UNC5D: variants seen among roughly 807,000 people sequenced by gnomAD.
UNC5D encodes netrin receptor UNC5D.
Under a neutral mutation model 105.4 loss-of-function variants are expected in UNC5D, and 39 were observed. The ratio of observed to expected loss-of-function variants is 0.37; its 90% CI spans 0.29 to 0.48. The LOEUF is 0.48. UNC5D is among the 20% of genes least tolerant of loss of function. UNC5D has a pLI of 0.98. For synonymous variants in UNC5D, 452 were observed against 450.4 expected (o/e 1.00, Z -0.04); for missense variants, 991 against 1,202.4 (o/e 0.82, Z 2.60).
chr8:35,736,757 C>CAGAGGTAT (rs1285747971), intron 11 of UNC5D, among the ~76,000 whole-genome samples: 1 of 152,082 alleles, frequency 6.6e-6, no homozygotes, highest in Non-Finnish European at 1.5e-5. Context: ...TTCAAAGGCA[C>CAGAGGTAT]AGAGGTATAA....
chr8:35,238,032 C>T (rs774112305), intron 1 of UNC5D, among the ~76,000 whole-genome samples: 3 of 152,170 alleles, frequency 2.0e-5, no homozygotes, highest in Non-Finnish European at 4.4e-5. Context: ...CTAGGATTAG[C>T]CCTAGGTTGT....
intron 3 of UNC5D, among the ~76,000 whole-genome samples, chr8:35,587,658 C>T (rs1818875356): frequency 6.6e-6 from 1 of 152,022 alleles, no homozygotes; most frequent in African/African-American, 2.4e-5. Context: ...ATATGATCTT[C>T]CTTGCTTCCT....
rs570456695 is a variant in UNC5D, at chr8:35,460,435, C to T, written c.104-88857C>T. 1.8e-4 allele frequency among the ~76,000 whole-genome samples: 27 copies of T among 152,262 alleles called. 1 individual carries two copies. In the East Asian group the frequency reaches 4.1e-3, roughly 23 times the overall value. On this transcript the variant is annotated intron_variant, in intron 1 of 16. Coordinates refer to ENST00000404895, the MANE Select transcript of UNC5D (RefSeq NM_080872.4). Reference sequence around the variant, plus strand: ...GATGCTGCAACATAAAATGTAAAGCCTGAACTTGTTAACTGGAAATTACAC... The same window carrying T: ...GATGCTGCAACATAAAATGTAAAGCTTGAACTTGTTAACTGGAAATTACAC...
At chr8:35,451,312 G>A (rs113792591) in intron 1 of UNC5D, among the ~76,000 whole-genome samples, 7,140 of 152,198 alleles carry the variant, frequency 0.047, 187 homozygotes, top group African/African-American at 0.065. Context: ...CAAAGTGCTG[G>A]AATTACAGGC....
chr8:35,319,242 A>G (rs185024957), intron 1 of UNC5D, among the ~76,000 whole-genome samples: 16 of 152,266 alleles, frequency 1.1e-4, no homozygotes, highest in Admixed American at 9.8e-4. Context: ...TCTCATTTAC[A>G]GAAGCCTGAG....
chr8:35,331,657 GTTTC>G (rs1810641918), intron 1 of UNC5D, among the ~76,000 whole-genome samples: 1 of 152,114 alleles, frequency 6.6e-6, no homozygotes, highest in African/African-American at 2.4e-5. Context: ...TCTTTTTAAT[GTTTC>G]TTTTTCATCA....
At chr8:35,484,459 C>T (rs1810701274) in intron 1 of UNC5D, among the ~76,000 whole-genome samples, 1 of 152,114 alleles carries the variant, frequency 6.6e-6, no homozygotes, top group African/African-American at 2.4e-5. Flanking sequence ...CATGCCTAAC[C>T]AGTCTCCTCG....
chr8:35,299,581 C>A (rs1272568833), intron 1 of UNC5D, among the ~76,000 whole-genome samples: 1 of 152,124 alleles, frequency 6.6e-6, no homozygotes, highest in Non-Finnish European at 1.5e-5. Context: ...AGTGGAGATG[C>A]AAACTGACAC....
chr8:35,528,141 A>C (rs868156272), intron 1 of UNC5D, among the ~76,000 whole-genome samples: 3,745 of 146,404 alleles, frequency 0.026, 171 homozygotes, highest in African/African-American at 0.092. Context: ...GGTGTGCTGC[A>C]CCCACTAACT....
chr8:35,456,685 G>A (rs919177573), intron 1 of UNC5D, among the ~76,000 whole-genome samples: 12 of 152,180 alleles, frequency 7.9e-5, no homozygotes, highest in African/African-American at 2.4e-4. Flanking sequence ...TGGACAATTG[G>A]AGAAGTTATT....
intron 3 of UNC5D, among the ~76,000 whole-genome samples, chr8:35,569,064 A>C (rs2130788943): frequency 6.6e-6 from 1 of 152,298 alleles, no homozygotes; most frequent in Admixed American, 6.5e-5. Flanking sequence ...AAAAAAAAAA[A>C]AAAAATACAC....
chr8:35,376,013 T>A (rs1443831642), intron 1 of UNC5D, among the ~76,000 whole-genome samples: 2 of 152,190 alleles, frequency 1.3e-5, no homozygotes, highest in Non-Finnish European at 2.9e-5. Flanking sequence ...GCAATCTGTA[T>A]CTTATGGTGC....
intron 1 of UNC5D, among the ~76,000 whole-genome samples, chr8:35,283,964 T>C (rs1465673323): frequency 2.0e-5 from 3 of 152,206 alleles, no homozygotes; most frequent in Admixed American, 1.3e-4. Context: ...ACCTACAGTC[T>C]TCAAAATAAA....
intron 8 of UNC5D, among the ~76,000 whole-genome samples, chr8:35,715,732 G>C: frequency 6.6e-6 from 1 of 151,988 alleles, no homozygotes; most frequent in Non-Finnish European, 1.5e-5. Flanking sequence ...ATTTGAAGAT[G>C]CAAGACCAAA....
chr8:35,538,718 C>T (rs954856021), intron 1 of UNC5D, among the ~76,000 whole-genome samples: 2 of 151,640 alleles, frequency 1.3e-5, no homozygotes, highest in Non-Finnish European at 2.9e-5. Flanking sequence ...GTGATGAATT[C>T]GATATAGGGG....
At chr8:35,601,257 G>C (rs1197398392) in intron 4 of UNC5D, among the ~76,000 whole-genome samples, 1 of 151,996 alleles carries the variant, frequency 6.6e-6, no homozygotes, top group African/African-American at 2.4e-5. Context: ...TTGTTCTTTT[G>C]GCTTAGGATT....
At chr8:35,428,963 T>C (rs780722778) in intron 1 of UNC5D, among the ~76,000 whole-genome samples, 3 of 152,150 alleles carry the variant, frequency 2.0e-5, no homozygotes, top group Admixed American at 2.0e-4. Context: ...TGATTCGTCA[T>C]TGAGAAAATG....
Position 35,424,827 on chromosome 8 carries a change from T to A in UNC5D, c.104-124465T>A, listed in dbSNP as rs190797350. On this transcript the variant is annotated intron_variant, in intron 1 of 16. Coordinates refer to ENST00000404895, the MANE Select transcript of UNC5D (RefSeq NM_080872.4). The stretch of plus-strand genomic sequence containing the variant: ...CTGCTCTTCAGGAGGTAACTCAGTA[T>A]GTAACGTATTTATAGCAATGAGGAA... Among the ~76,000 whole-genome samples, 13 of 152,338 alleles carry A rather than the reference T, an allele frequency of 8.5e-5. No homozygotes were observed. The East Asian group carries it at 2.5e-3, about 29-fold the overall frequency.
intron 1 of UNC5D, among the ~76,000 whole-genome samples, chr8:35,363,689 T>A (rs1801965738): frequency 6.6e-6 from 1 of 152,128 alleles, no homozygotes; most frequent in African/African-American, 2.4e-5. Flanking sequence ...ATCTGCCAGG[T>A]TTCTCCCCTA....
Sources: allele counts gnomAD v4.1 joint callset (sites outside exome capture counted in the v4.1 genomes callset), GRCh38; gene constraint gnomAD v4.1.1; transcripts MANE v1.5; gene names NCBI Gene and HGNC (gene_info 2026-07-23, HGNC 2026-07-21).